DPP10: variants seen among roughly 807,000 people sequenced by gnomAD.
The protein encoded by DPP10 is inactive dipeptidyl peptidase 10.
Under a neutral mutation model 120.9 loss-of-function variants are expected in DPP10, and 33 were observed. The observed-to-expected ratio is 0.27, with a 90% CI of 0.21 to 0.37. The LOEUF is 0.37. Ranked by LOEUF, DPP10 falls within the 10% of genes least tolerant of loss-of-function variation. DPP10 has a pLI of 1.00. For missense variants in DPP10, 816 were observed against 942.8 expected (o/e 0.87, Z 1.76); for synonymous variants, 337 against 326.1 (o/e 1.03, Z -0.36).
intron 24 of DPP10, among the ~76,000 whole-genome samples, chr2:115,840,433 T>G (rs997280656): frequency 6.7e-6 from 1 of 148,196 alleles, no homozygotes; most frequent in African/African-American, 2.5e-5. Flanking sequence ...CACGCCATTC[T>G]CCTGCCTCAG....
intron 1 of DPP10, among the ~76,000 whole-genome samples, chr2:115,273,558 G>A (rs1343841135): frequency 1.3e-5 from 2 of 152,106 alleles, no homozygotes; most frequent in African/African-American, 4.8e-5. Flanking sequence ...GGATGGTCTC[G>A]ATCTCCTGAC....
intron 1 of DPP10, among the ~76,000 whole-genome samples, chr2:115,113,382 A>T (rs1210889287): frequency 1.3e-5 from 2 of 151,022 alleles, no homozygotes; most frequent in Non-Finnish European, 3.0e-5. Flanking sequence ...TGTTAGCCTT[A>T]AATTCTCATT....
chr2:114,627,675 G>A (rs1180807607), intron 1 of DPP10, among the ~76,000 whole-genome samples: 2 of 152,066 alleles, frequency 1.3e-5, no homozygotes, highest in African/African-American at 4.8e-5. Context: ...CTAATTGGAT[G>A]TAATTTGGAG....
chr2:115,650,455 A>G (rs913008640), intron 5 of DPP10, among the ~76,000 whole-genome samples: 1 of 151,606 alleles, frequency 6.6e-6, no homozygotes, highest in Non-Finnish European at 1.5e-5. Flanking sequence ...AGATAATCAT[A>G]TTTTTATAAT....
At chr2:115,210,903 TA>T (rs1051329149) in intron 1 of DPP10, among the ~76,000 whole-genome samples, 15 of 151,960 alleles carry the variant, frequency 9.9e-5, no homozygotes, top group African/African-American at 1.7e-4. Context: ...TCTTCTCTAT[TA>T]AAAAAAACTT....
At chr2:115,128,999 C>T (rs544956299) in intron 1 of DPP10, among the ~76,000 whole-genome samples, 3 of 152,326 alleles carry the variant, frequency 2.0e-5, no homozygotes, top group Non-Finnish European at 4.4e-5. Context: ...ATCCCAGATT[C>T]AGGGAAACAG....
At chr2:115,373,608 T>A (rs2065572222) in intron 3 of DPP10, among the ~76,000 whole-genome samples, 1 of 152,030 alleles carries the variant, frequency 6.6e-6, no homozygotes, top group Non-Finnish European at 1.5e-5. Flanking sequence ...GAAGAATGTT[T>A]TCAAAAGAGC....
intron 1 of DPP10, among the ~76,000 whole-genome samples, chr2:114,865,175 A>T (rs925075267): frequency 1.8e-4 from 28 of 152,226 alleles, no homozygotes; most frequent in Admixed American, 6.5e-5. Context: ...GAAGACCTCT[A>T]GGTGTTTACA....
intron 1 of DPP10, among the ~76,000 whole-genome samples, chr2:115,209,232 T>C (rs1156337370): frequency 6.6e-6 from 1 of 152,142 alleles, no homozygotes; most frequent in Non-Finnish European, 1.5e-5. Flanking sequence ...GTCTAAAACC[T>C]ACTAAAACAT....
rs1338395575 is a variant in DPP10, at chr2:115,133,145, G to GTGTATATATA, written c.61-176093_61-176092insGTATATATAT. Among the ~76,000 whole-genome samples, 152 of 28,746 alleles carry GTGTATATATA rather than the reference G, an allele frequency of 5.3e-3. 2 individuals carry two copies. The highest frequency in any genetic ancestry group is 5.8e-3 in the Non-Finnish European group (88 of 15,106). 18.9% of individuals were successfully genotyped at this position (28,746 alleles called of 152,430 possible). Reference sequence around the variant, plus strand: ...TGTGTGTGTGTGTGTGTGTGTGTGTGTATATATATATATATATATATATAT... The same window carrying GTGTATATATA: ...TGTGTGTGTGTGTGTGTGTGTGTGTGTGTATATATATATATATATATATATATATATATAT... On this transcript the variant is annotated intron_variant, in intron 1 of 25. Coordinates refer to ENST00000410059, the MANE Select transcript of DPP10 (RefSeq NM_020868.6).
chr2:115,606,374 C>T (rs942630103), intron 5 of DPP10, among the ~76,000 whole-genome samples: 61 of 152,114 alleles, frequency 4.0e-4, no homozygotes, highest in African/African-American at 1.4e-3. Flanking sequence ...AAGCTAAAAC[C>T]AAGCTAAACA....
At chr2:114,943,417 G>A (rs959485525) in intron 1 of DPP10, among the ~76,000 whole-genome samples, 47 of 152,156 alleles carry the variant, frequency 3.1e-4, no homozygotes, top group Non-Finnish European at 6.0e-4. Flanking sequence ...GGGATTACAG[G>A]TGTGTGCCAC....
chr2:114,798,132 C>G (rs1281542839), intron 1 of DPP10, among the ~76,000 whole-genome samples: 2 of 152,094 alleles, frequency 1.3e-5, no homozygotes, highest in Non-Finnish European at 2.9e-5. Context: ...TGAAGGCCAG[C>G]CAAGTCTAAG....
At chr2:115,801,250 G>A (rs1685201052) in intron 19 of DPP10, among the ~76,000 whole-genome samples, 2 of 152,130 alleles carry the variant, frequency 1.3e-5, no homozygotes, top group African/African-American at 4.8e-5. Context: ...TGTTATTGGT[G>A]TATAGGAAGG....
At chr2:114,936,944 G>A (rs1288457414) in intron 1 of DPP10, among the ~76,000 whole-genome samples, 1 of 152,078 alleles carries the variant, frequency 6.6e-6, no homozygotes, top group Non-Finnish European at 1.5e-5. Context: ...GGACTGTCTG[G>A]TTTTCTTCTT....
chr2:114,989,301 G>A (rs775101032), intron 1 of DPP10, among the ~76,000 whole-genome samples: 6 of 151,990 alleles, frequency 3.9e-5, no homozygotes, highest in African/African-American at 7.3e-5. Context: ...TTTACTTCCC[G>A]TAACTTCATT....
chr2:115,838,179 G>A (rs1002175272), intron 24 of DPP10, among the ~76,000 whole-genome samples: 1 of 152,164 alleles, frequency 6.6e-6, no homozygotes, highest in African/African-American at 2.4e-5. Context: ...GTCTATTAAA[G>A]AAAGAGGTAG....
At chr2:115,762,467 T>G in intron 11 of DPP10, 105 bp from the exon 12 acceptor site, 3 of 1,123,712 alleles carry the variant, frequency 2.7e-6, no homozygotes, top group Non-Finnish European at 4.0e-6. Context: ...TTTCACCAGT[T>G]GAAGAGAGGG....
chr2:115,214,929 T>C (rs1325062174), intron 1 of DPP10, among the ~76,000 whole-genome samples: 1 of 152,212 alleles, frequency 6.6e-6, no homozygotes, highest in African/African-American at 2.4e-5. Flanking sequence ...ACATCTTGCC[T>C]TTCCTGAGCT....
Sources: gnomAD v4.1 joint callset for allele counts (sites outside exome capture counted in the v4.1 genomes callset) on GRCh38, gnomAD v4.1.1 for gene constraint, MANE v1.5 for transcripts, NCBI Gene and HGNC (gene_info 2026-07-23, HGNC 2026-07-21) for gene names.